The following RAVER2 variants were observed in gnomAD, a reference collection of about 807,000 sequenced individuals.
The protein encoded by RAVER2 is ribonucleoprotein PTB-binding 2.
In RAVER2, 46 loss-of-function variants were observed where a neutral mutation model predicts 78.1. The observed-to-expected ratio is 0.59, with a 90% CI of 0.46 to 0.75. RAVER2 has a LOEUF of 0.75. Ranked by LOEUF, RAVER2 falls within the 30% of genes least tolerant of loss-of-function variation. The probability of loss-of-function intolerance (pLI) is 0.00; values close to 1 mark genes in which losing one functional copy is unlikely to be tolerated. For missense variants in RAVER2, 793 were observed against 837.5 expected (o/e 0.95, Z 0.66); for synonymous variants, 311 against 313.3 (o/e 0.99, Z 0.08).
In RAVER2 at chr1:64,745,317, C is replaced by CTGCA. The variant is rs1557577062; in HGVS notation, c.146_149dup (p.Pro51AlafsTer3). On this transcript the variant is annotated frameshift_variant, in exon 1 of 12. Coordinates refer to ENST00000294428, the Ensembl canonical transcript of RAVER2. LOFTEE classifies it high-confidence loss of function. This position sits in a 1 kb window ranked among gnomAD's most constrained non-coding sequence, Gnocchi z 4.3. The stretch of plus-strand genomic sequence containing the variant: ...CGCCCCGGACCCGATGCCCGCCGCG[C>CTGCA]TGCACCCTGAGGAGGTCGCCGCGCG... The CTGCA allele has an allele frequency of 7.9e-6, 12 of 1,524,920 alleles. No homozygotes were observed. Among genetic ancestry groups the CTGCA allele is most frequent in the Non-Finnish European group, 1.1e-5 (12 of 1,134,900 alleles). 94.5% of individuals were successfully genotyped at this position (1,524,920 alleles called of 1,614,324 possible).
exon 12 of RAVER2, chr1:64,831,000 T>A (rs1654114456): frequency 6.2e-7 from 1 of 1,610,468 alleles, no homozygotes; most frequent in Non-Finnish European, 8.5e-7. Context: ...AGCTCTCTCC[T>A]AATAACCCCC....
chr1:64,807,545 T>C, intron 9 of RAVER2, 71 bp downstream of exon 9: 1 of 1,357,058 alleles, frequency 7.4e-7, no homozygotes, highest in Non-Finnish European at 9.8e-7. Flanking sequence ...TTAAATTATG[T>C]CTTAAATTGT....
chr1:64,820,111 G>T (rs982378908), intron 11 of RAVER2, among the ~76,000 whole-genome samples: 6 of 152,152 alleles, frequency 3.9e-5, no homozygotes, highest in Admixed American at 2.6e-4. Flanking sequence ...TATTTTACAT[G>T]AAGTACATCA....
intron 11 of RAVER2, among the ~76,000 whole-genome samples, chr1:64,822,340 A>G (rs1391999935): frequency 6.6e-6 from 1 of 152,214 alleles, no homozygotes; most frequent in Non-Finnish European, 1.5e-5. Context: ...AATATCAATA[A>G]AGAGAGAGAA....
intron 2 of RAVER2, among the ~76,000 whole-genome samples, chr1:64,777,415 G>GT (rs1395268090): frequency 6.6e-6 from 1 of 152,046 alleles, no homozygotes; most frequent in Non-Finnish European, 1.5e-5. Flanking sequence ...GATGAAATTA[G>GT]TTTAATGGAG....
intron 11 of RAVER2, among the ~76,000 whole-genome samples, chr1:64,818,387 T>G (rs1190243671): frequency 6.6e-6 from 1 of 152,010 alleles, no homozygotes; most frequent in East Asian, 1.9e-4. Flanking sequence ...ATACAAAAAA[T>G]TAGCCGGGCG....
rs536919328 is a variant in RAVER2 at position 64,782,029 on chromosome 1, G to A, written c.978+458G>A. Among the ~76,000 whole-genome samples the A allele has an allele frequency of 3.9e-4, 59 of 152,084 alleles. No individual in the cohort carries two copies. The East Asian group carries it at 8.7e-3, about 22-fold the overall frequency. On this transcript the variant is annotated intron_variant, in intron 4 of 11. Transcript: ENST00000294428. The stretch of plus-strand genomic sequence containing the variant: ...AGCAATTCTCCTGCCTCAGTCTCCC[G>A]AGTAGCTGAGACTACAGGCACATGC...
intron 1 of RAVER2, among the ~76,000 whole-genome samples, chr1:64,750,328 A>T: frequency 6.8e-6 from 1 of 146,498 alleles, no homozygotes; most frequent in African/African-American, 2.5e-5. Flanking sequence ...TTTTAAAGAG[A>T]CAGAGCAAGA....
At chr1:64,819,498 C>T (rs1282100550) in intron 11 of RAVER2, among the ~76,000 whole-genome samples, 1 of 152,064 alleles carries the variant, frequency 6.6e-6, no homozygotes, top group Non-Finnish European at 1.5e-5. Context: ...GGGAAAATAT[C>T]AAGCAGTCTA....
Position 64,768,740 on chromosome 1 carries a change from A to G in RAVER2, c.316+18A>G. ...ACGAACAGGTAAGATTTCTATTCTA[A>G]GTGTCTAATTTCATTTTGATTCTCC... On this transcript the variant is annotated intron_variant, in intron 2 of 11. Transcript: ENST00000294428. The G allele has an allele frequency of 2.8e-6, 4 of 1,429,568 alleles. No homozygotes were observed. Among genetic ancestry groups the G allele is most frequent in the Non-Finnish European group, 3.9e-6 (4 of 1,020,098 alleles). 88.6% of individuals were successfully genotyped at this position (1,429,568 alleles called of 1,614,324 possible). A position where few individuals can be genotyped will look rare whatever the true frequency, so the allele number is the denominator to read the frequency against.
chr1:64,745,499 C>A lies in RAVER2; in HGVS notation c.249+78C>A, dbSNP rs1651504011. The A allele has an allele frequency of 2.3e-5, 33 of 1,422,588 alleles. No homozygotes were observed. Among genetic ancestry groups the A allele is most frequent in the Middle Eastern group, 2.6e-4 (1 of 3,784 alleles). The allele number at this position is 1,422,588 out of a possible 1,614,324, so 88.1% of individuals were successfully genotyped here. A position where few individuals can be genotyped will look rare whatever the true frequency, so the allele number is the denominator to read the frequency against. The stretch of plus-strand genomic sequence containing the variant: ...TCCGTGTCCAGGCTGGGATCGGGGG[C>A]GCCTCAGAGCGGTCCTGGGGAGTGG... On this transcript the variant is annotated intron_variant, in intron 1 of 11. Transcript: ENST00000294428. The surrounding 1 kb of genome is among the most constrained non-coding windows in gnomAD (Gnocchi z 4.3).
At chr1:64,830,225 G>A (rs1006126283) in intron 11 of RAVER2, among the ~76,000 whole-genome samples, 4 of 152,114 alleles carry the variant, frequency 2.6e-5, no homozygotes, top group Non-Finnish European at 5.9e-5. Flanking sequence ...GACCACTTGT[G>A]AGGACATGTG....
intron 4 of RAVER2, among the ~76,000 whole-genome samples, chr1:64,785,455 C>T (rs1328949732): frequency 2.6e-5 from 4 of 151,398 alleles, no homozygotes; most frequent in Non-Finnish European, 4.4e-5. Flanking sequence ...CTGCAACCTC[C>T]GCCTGCCGGG....
intron 1 of RAVER2, among the ~76,000 whole-genome samples, chr1:64,760,500 T>C (rs1301766158): frequency 3.3e-5 from 5 of 152,260 alleles, no homozygotes; most frequent in African/African-American, 4.8e-5. Flanking sequence ...AGTAACAAGA[T>C]GTACCAAGAC....
intron 5 of RAVER2, among the ~76,000 whole-genome samples, chr1:64,802,345 C>A (rs1377488849): frequency 1.3e-5 from 2 of 152,272 alleles, no homozygotes; most frequent in East Asian, 3.9e-4. Flanking sequence ...TGGAGGCACT[C>A]TGGTTCAAAC....
chr1:64,814,597 GT>G (rs1188102187), intron 10 of RAVER2, 106 bp from the exon 11 acceptor site: 1 of 612,280 alleles, frequency 1.6e-6, no homozygotes, highest in African/African-American at 2.0e-5. Flanking sequence ...AATATAATTT[GT>G]TTATAATATA....
chr1:64,775,163 T>C (rs1378087061), intron 2 of RAVER2, among the ~76,000 whole-genome samples: 1 of 152,200 alleles, frequency 6.6e-6, no homozygotes, highest in Non-Finnish European at 1.5e-5. Context: ...TCGTTTTGTT[T>C]TTTGGCAGAG....
At chr1:64,759,819 T>A (rs1651971080) in intron 1 of RAVER2, among the ~76,000 whole-genome samples, 1 of 152,152 alleles carries the variant, frequency 6.6e-6, no homozygotes, top group Non-Finnish European at 1.5e-5. Flanking sequence ...CCCGGCCTAT[T>A]TTCAGGTTTT....
chr1:64,792,080 CCT>C (rs1034206811), intron 5 of RAVER2, among the ~76,000 whole-genome samples: 2 of 152,114 alleles, frequency 1.3e-5, no homozygotes, highest in African/African-American at 4.8e-5. Flanking sequence ...AATGATCAAA[CCT>C]AATGTTTTCC....
Sources: gnomAD v4.1 joint callset for allele counts (sites outside exome capture counted in the v4.1 genomes callset) on GRCh38, gnomAD v4.1.1 for gene constraint, Gnocchi (gnomAD v3.1) non-coding constraint, MANE v1.5 for transcripts, NCBI Gene and HGNC (gene_info 2026-07-23, HGNC 2026-07-21) for gene names.